The following MED12L variants were observed in gnomAD, a reference collection of about 807,000 sequenced individuals.
MED12L encodes mediator complex subunit 12L.
MED12L carries 60 observed loss-of-function variants against 281.3 expected under a neutral mutation model. That is an observed-to-expected ratio of 0.21 (90% CI 0.17 to 0.26). The LOEUF is 0.26. MED12L is among the 10% of genes least tolerant of loss of function. The pLI, the probability that MED12L is intolerant of heterozygous loss-of-function variation, is 1.00. For synonymous variants in MED12L, 974 were observed against 987.2 expected (o/e 0.99, Z 0.25); for missense variants, 2,146 against 2,680.9 (o/e 0.80, Z 4.41).
intron 5 of MED12L, among the ~76,000 whole-genome samples, chr3:151,138,923 T>C (rs76123312): frequency 0.021 from 3,198 of 152,186 alleles, 104 homozygotes; most frequent in African/African-American, 0.072. Context: ...ATCCCCCTCC[T>C]TGAGGGCAGA....
chr3:151,410,873 T>C (rs1716857526), intron 40 of MED12L, among the ~76,000 whole-genome samples: 1 of 152,220 alleles, frequency 6.6e-6, no homozygotes, highest in Non-Finnish European at 1.5e-5. Context: ...CATGGGTAGC[T>C]TTTCTAATTT....
At chr3:151,408,876 C>G (rs1716639911) in intron 39 of MED12L, among the ~76,000 whole-genome samples, 1 of 152,194 alleles carries the variant, frequency 6.6e-6, no homozygotes, top group African/African-American at 2.4e-5. Flanking sequence ...ACGTTCTCTT[C>G]CCTTTATAGG....
intron 5 of MED12L, among the ~76,000 whole-genome samples, chr3:151,152,287 CAAT>C (rs1718656402): frequency 6.6e-6 from 1 of 151,436 alleles, no homozygotes; most frequent in South Asian, 2.1e-4. Flanking sequence ...TTTTTTGTAA[CAAT>C]GATGTCTCAC....
chr3:151,315,653 C>T (rs1321221102), intron 16 of MED12L, among the ~76,000 whole-genome samples: 3 of 152,158 alleles, frequency 2.0e-5, no homozygotes, highest in African/African-American at 7.2e-5. Context: ...GACAGTTAAT[C>T]TCAATTGGCA....
chr3:151,208,811 A>T (rs532183644), intron 16 of MED12L, among the ~76,000 whole-genome samples: 1 of 152,294 alleles, frequency 6.6e-6, no homozygotes, highest in African/African-American at 2.4e-5. Context: ...TTTGCCACAC[A>T]CTTCTGGGGC....
chr3:151,127,328 T>A (rs1253708447), intron 4 of MED12L, among the ~76,000 whole-genome samples: 1 of 152,216 alleles, frequency 6.6e-6, no homozygotes, highest in Non-Finnish European at 1.5e-5. Flanking sequence ...TAATGTCACT[T>A]TTAGAAGCTT....
intron 16 of MED12L, among the ~76,000 whole-genome samples, chr3:151,215,335 A>C (rs1284829982): frequency 2.0e-5 from 3 of 152,216 alleles, no homozygotes; most frequent in African/African-American, 7.2e-5. Context: ...TATAAAATGC[A>C]CACTAGACTT....
intron 16 of MED12L, among the ~76,000 whole-genome samples, chr3:151,313,188 C>G (rs565115591): frequency 7.4e-4 from 113 of 152,108 alleles, no homozygotes; most frequent in Non-Finnish European, 1.2e-3. Context: ...CGCTCTGCTA[C>G]TGCCTGCACA....
Position 151,178,157 on chromosome 3 carries a change from C to CAAAAA in MED12L, c.1495-7150_1495-7146dup, listed in dbSNP as rs10572929. Among the ~76,000 whole-genome samples the CAAAAA allele has an allele frequency of 3.2e-3, 158 of 49,162 alleles. 9 individuals are homozygous for CAAAAA. Among genetic ancestry groups the CAAAAA allele is most frequent in the Non-Finnish European group, 5.4e-3 (134 of 24,808 alleles). The allele number at this position is 49,162 out of a possible 152,430, so 32.3% of individuals were successfully genotyped here. A position where few individuals can be genotyped will look rare whatever the true frequency, so the allele number is the denominator to read the frequency against. On this transcript the variant is annotated intron_variant, in intron 11 of 44. Coordinates refer to ENST00000687756, the MANE Select transcript of MED12L (RefSeq NM_001393769.1). The stretch of plus-strand genomic sequence containing the variant: ...TGGGCAACAGAATGAGACTTGGTCT[C>CAAAAA]AAAAAAAAAAAAAAAAAAAAAAAAA...
Position 151,086,824 on chromosome 3 carries a change from G to C in MED12L, c.-103G>C, listed in dbSNP as rs1324254449. ...GCCACAGCGAGCGAGCGAGCGAGGA[G>C]GGGGAGAGAGGGAGTCTGTCTGCAA... On this transcript the variant is annotated 5_prime_UTR_variant, in exon 2 of 45. Transcript: ENST00000687756. 4 of 862,772 alleles carry C rather than the reference G, an allele frequency of 4.6e-6. No homozygotes were observed. Among genetic ancestry groups the C allele is most frequent in the Non-Finnish European group, 7.1e-6 (4 of 564,864 alleles). The allele number at this position is 862,772 out of a possible 1,614,324, so 53.4% of individuals were successfully genotyped here.
At chr3:151,321,498 T>C (rs1748993056) in intron 16 of MED12L, among the ~76,000 whole-genome samples, 1 of 152,154 alleles carries the variant, frequency 6.6e-6, no homozygotes, top group Non-Finnish European at 1.5e-5. Context: ...AGTCAATACA[T>C]AAAGCTAATA....
intron 16 of MED12L, among the ~76,000 whole-genome samples, chr3:151,345,313 C>G (rs60196145): frequency 0.024 from 3,582 of 152,160 alleles, 137 homozygotes; most frequent in African/African-American, 0.083. Context: ...AGGGAATAAA[C>G]AAGAGTAATT....
At chr3:151,327,782 T>A (rs1255204365) in intron 16 of MED12L, 1 of 402,078 alleles carries the variant, frequency 2.5e-6, no homozygotes, top group East Asian at 3.7e-5. Context: ...TAGTGGCCAT[T>A]TGTATCCTGT....
intron 16 of MED12L, among the ~76,000 whole-genome samples, chr3:151,246,453 C>G (rs1475625339): frequency 6.6e-6 from 1 of 151,942 alleles, no homozygotes; most frequent in South Asian, 2.1e-4. Context: ...ACAGAGCCCT[C>G]AGAAATAACG....
chr3:151,188,900 C>G (rs921828459), intron 13 of MED12L, among the ~76,000 whole-genome samples: 2 of 152,100 alleles, frequency 1.3e-5, no homozygotes, highest in African/African-American at 4.8e-5. Flanking sequence ...TTATAGATGC[C>G]TAGCTGCTTC....
At chr3:151,323,861 G>A (rs935887786) in intron 16 of MED12L, among the ~76,000 whole-genome samples, 2 of 152,236 alleles carry the variant, frequency 1.3e-5, no homozygotes, top group African/African-American at 4.8e-5. Flanking sequence ...GCTCTCAAGT[G>A]CTGGAGGGAC....
At chr3:151,288,859 C>T (rs994953979) in intron 16 of MED12L, among the ~76,000 whole-genome samples, 1 of 152,198 alleles carries the variant, frequency 6.6e-6, no homozygotes, top group Non-Finnish European at 1.5e-5. Flanking sequence ...CAGTTCGCAG[C>T]TCATCATGTA....
chr3:151,190,860 A>G lies in MED12L; in HGVS notation c.1897A>G (p.Thr633Ala). Residue 633 changes from threonine to alanine, a missense_variant, in exon 14 of 45, where the codon ACT (threonine) becomes GCT (alanine). Thr to Ala is a moderately conservative substitution (Grantham distance 58, BLOSUM62 0). This residue lies in a region of MED12L where 722 missense variants were observed against 861.2 expected (regional missense o/e 0.84). Coordinates refer to ENST00000687756, the MANE Select transcript of MED12L (RefSeq NM_001393769.1). ...AGGAGATTTGTCAGTCACTGCCTCA[A>G]CTCGGCCGCGGTCACCAGTAGGGGA... Reference protein sequence around the residue: ...SRGDLSVTASTRPRSPVGENA... With the variant: ...SRGDLSVTASARPRSPVGENA... 1.2e-6 allele frequency: 2 copies of G among 1,614,092 alleles called. No homozygotes were observed. The highest frequency in any genetic ancestry group is 8.5e-7 in the Non-Finnish European group (1 of 1,180,016).
At chr3:151,245,748 T>C (rs1735298610) in intron 16 of MED12L, among the ~76,000 whole-genome samples, 1 of 116,666 alleles carries the variant, frequency 8.6e-6, no homozygotes, top group Non-Finnish European at 1.8e-5. Context: ...CTATTCAACA[T>C]AGTGTTGGAA....
Sources: allele counts gnomAD v4.1 joint callset (sites outside exome capture counted in the v4.1 genomes callset), GRCh38; gene constraint gnomAD v4.1.1; regional missense constraint gnomAD v4.1.1; transcripts MANE v1.5; gene names NCBI Gene and HGNC (gene_info 2026-07-23, HGNC 2026-07-21).